FER: variants seen among roughly 807,000 people sequenced by gnomAD.
FER encodes the protein FER tyrosine kinase, also known as tyrosine-protein kinase Fer.
A neutral mutation model predicts 111.0 loss-of-function variants in FER; 63 were observed. That is an observed-to-expected ratio of 0.57 (90% CI 0.46 to 0.70). The LOEUF (loss-of-function observed/expected upper bound fraction) is 0.70, where lower values mean the gene tolerates loss of function less well. FER is among the 30% of genes least tolerant of loss of function. The probability of loss-of-function intolerance (pLI) is 0.00; values close to 1 mark genes in which losing one functional copy is unlikely to be tolerated. For missense variants in FER, 914 were observed against 954.0 expected (o/e 0.96, Z 0.55); for synonymous variants, 327 against 313.9 (o/e 1.04, Z -0.44).
chr5:108,957,281 A>G (rs1047264661), intron 12 of FER, among the ~76,000 whole-genome samples: 9 of 151,670 alleles, frequency 5.9e-5, no homozygotes, highest in African/African-American at 2.2e-4. Flanking sequence ...TGAATACAAC[A>G]TTTAATACAA....
intron 1 of FER, among the ~76,000 whole-genome samples, chr5:108,751,215 C>CA (rs1288040321): frequency 2.6e-5 from 4 of 151,800 alleles, no homozygotes; most frequent in South Asian, 2.1e-4. Context: ...AACAAACAAA[C>CA]AAAAAAACCA....
intron 3 of FER, chr5:108,818,399 C>T (rs1758495715): frequency 6.6e-6 from 1 of 152,062 alleles, no homozygotes; most frequent in African/African-American, 2.4e-5. Flanking sequence ...GTGATTGTGC[C>T]ACTGCACTCT....
At chr5:109,011,127 A>C (rs951383424) in intron 13 of FER, among the ~76,000 whole-genome samples, 1 of 152,156 alleles carries the variant, frequency 6.6e-6, no homozygotes, top group African/African-American at 2.4e-5. Context: ...AAATGTGTTA[A>C]TGCTATAGGT....
At chr5:109,146,210 T>A (rs368341805) in intron 17 of FER, among the ~76,000 whole-genome samples, 3 of 95,310 alleles carry the variant, frequency 3.1e-5, no homozygotes, top group Non-Finnish European at 4.7e-5. Flanking sequence ...TCTATCTATT[T>A]TATATATATA....
chr5:108,982,009 A>G (rs781054180), intron 13 of FER, among the ~76,000 whole-genome samples: 3 of 152,140 alleles, frequency 2.0e-5, no homozygotes, highest in Non-Finnish European at 4.4e-5. Flanking sequence ...ACTTTTACTT[A>G]TAGACCTCCC....
intron 13 of FER, among the ~76,000 whole-genome samples, chr5:108,987,452 A>G (rs1218478332): frequency 6.6e-6 from 1 of 152,200 alleles, no homozygotes; most frequent in Non-Finnish European, 1.5e-5. Flanking sequence ...ATCTCAAAAA[A>G]AAGAAAACAA....
chr5:108,954,442 T>C (rs1758161054), intron 11 of FER, among the ~76,000 whole-genome samples: 1 of 152,100 alleles, frequency 6.6e-6, no homozygotes, highest in African/African-American at 2.4e-5. Context: ...TTTTAGTATA[T>C]AGATTTATTT....
At chr5:108,997,359 A>C (rs1764126127) in intron 13 of FER, among the ~76,000 whole-genome samples, 1 of 149,920 alleles carries the variant, frequency 6.7e-6, no homozygotes, top group African/African-American at 2.5e-5. Context: ...CAGAGCTTGC[A>C]GTGAGCGAGA....
chr5:108,844,107 C>CATAT (rs1237008730), intron 5 of FER, among the ~76,000 whole-genome samples: 5,883 of 94,692 alleles, frequency 0.062, 317 homozygotes, highest in African/African-American at 0.088. Context: ...TGTGTGTGAA[C>CATAT]ATGTGTGTGA....
At chr5:109,157,183 A>G (rs893828273) in intron 17 of FER, among the ~76,000 whole-genome samples, 1 of 149,686 alleles carries the variant, frequency 6.7e-6, no homozygotes, top group East Asian at 2.0e-4. Context: ...TAGACTTACT[A>G]TTTCTCAATC....
chr5:108,869,216 T>A (rs930619091), intron 6 of FER, among the ~76,000 whole-genome samples: 1 of 152,164 alleles, frequency 6.6e-6, no homozygotes, highest in Non-Finnish European at 1.5e-5. Context: ...TGCTTACTTG[T>A]TCCTTACAGT....
At chr5:109,048,277 A>G (rs2149915490) in intron 16 of FER, among the ~76,000 whole-genome samples, 1 of 152,308 alleles carries the variant, frequency 6.6e-6, no homozygotes, top group Non-Finnish European at 1.5e-5. Context: ...TAACTGCAGA[A>G]TACCTAGATC....
At chr5:109,171,118 T>C (rs1377517437) in intron 17 of FER, among the ~76,000 whole-genome samples, 1 of 152,220 alleles carries the variant, frequency 6.6e-6, no homozygotes, top group Non-Finnish European at 1.5e-5. Context: ...CTTCAAAACA[T>C]TGTCAAATTC....
At chr5:108,785,209 A>C in intron 2 of FER, 1 of 604,708 alleles carries the variant, frequency 1.7e-6, no homozygotes, top group Non-Finnish European at 3.0e-6. Flanking sequence ...CTATGTCTCC[A>C]AATGGATCCC....
At chr5:108,871,289 G>T (rs190356630) in intron 6 of FER, 76 bp from the exon 7 acceptor site, 1 of 1,228,894 alleles carries the variant, frequency 8.1e-7, no homozygotes, top group African/African-American at 1.5e-5. Context: ...TATGCTTATT[G>T]TTCTGAATCC....
At chr5:108,905,881 C>T (rs1750688524) in intron 10 of FER, among the ~76,000 whole-genome samples, 1 of 152,006 alleles carries the variant, frequency 6.6e-6, no homozygotes, top group South Asian at 2.1e-4. Context: ...AAGTATTTCC[C>T]ACTTTATTAA....
chr5:108,971,272 CAAAAAAAAAA>C (rs201694196), intron 13 of FER, among the ~76,000 whole-genome samples: 4 of 76,332 alleles, frequency 5.2e-5, no homozygotes, highest in Admixed American at 1.7e-4. Context: ...GAACCTGTCT[CAAAAAAAAAA>C]AAAAAAAAAA....
At chr5:109,172,597 C>T (rs1757252011) in intron 17 of FER, among the ~76,000 whole-genome samples, 1 of 151,174 alleles carries the variant, frequency 6.6e-6, no homozygotes. Flanking sequence ...AACTAACCTG[C>T]ACATTGTGCA....
chr5:108,819,708 A>G, intron 3 of FER: 1 of 767,286 alleles, frequency 1.3e-6, no homozygotes, highest in Non-Finnish European at 1.6e-6. Context: ...ACTAATGGAG[A>G]CCATCAATTC....
Sources: gnomAD v4.1 joint callset for allele counts (sites outside exome capture counted in the v4.1 genomes callset) on GRCh38, gnomAD v4.1.1 for gene constraint, MANE v1.5 for transcripts, NCBI Gene and HGNC (gene_info 2026-07-23, HGNC 2026-07-21) for gene names.